The following VIPR2 variants were observed in gnomAD, a reference collection of about 807,000 sequenced individuals.
The protein encoded by VIPR2 is vasoactive intestinal polypeptide receptor 2.
In VIPR2, 48 loss-of-function variants were observed where a neutral mutation model predicts 58.0. The ratio of observed to expected loss-of-function variants is 0.83; its 90% CI spans 0.66 to 1.05. The LOEUF is 1.05. VIPR2 is among the 50% of genes least tolerant of loss of function. The pLI, the probability that VIPR2 is intolerant of heterozygous loss-of-function variation, is 0.00. For synonymous variants in VIPR2, 243 were observed against 235.2 expected (o/e 1.03, Z -0.30); for missense variants, 534 against 558.0 (o/e 0.96, Z 0.43).
chr7:159,079,666 A>G (rs1218343310), intron 4 of VIPR2, among the ~76,000 whole-genome samples: 4 of 152,200 alleles, frequency 2.6e-5, no homozygotes, highest in Non-Finnish European at 5.9e-5. Context: ...CAAAAAATCA[A>G]TGAATCCAGG....
At chr7:159,090,168 A>G (rs113828410) in intron 4 of VIPR2, among the ~76,000 whole-genome samples, 4,717 of 47,110 alleles carry the variant, frequency 0.1, 277 homozygotes, top group African/African-American at 0.27. Flanking sequence ...GCCACCTCTT[A>G]TGACCATCAC....
chr7:159,064,339 C>T (rs1471515025), intron 4 of VIPR2, among the ~76,000 whole-genome samples: 1 of 152,050 alleles, frequency 6.6e-6, no homozygotes, highest in Non-Finnish European at 1.5e-5. Flanking sequence ...AGAGGACCCC[C>T]GGCTGCCCCT....
intron 2 of VIPR2, among the ~76,000 whole-genome samples, chr7:159,110,168 ATTAC>A: frequency 6.6e-6 from 1 of 152,218 alleles, no homozygotes; most frequent in East Asian, 1.9e-4. Flanking sequence ...TAAGAGAATC[ATTAC>A]TTACTTCTTG....
At chr7:159,066,966 T>G (rs1856125718) in intron 4 of VIPR2, among the ~76,000 whole-genome samples, 1 of 152,244 alleles carries the variant, frequency 6.6e-6, no homozygotes, top group Admixed American at 6.5e-5. Flanking sequence ...GGAACTCTCC[T>G]GTGAGTGGGC....
At chr7:159,115,056 A>G (rs925488736) in intron 2 of VIPR2, among the ~76,000 whole-genome samples, 3 of 152,242 alleles carry the variant, frequency 2.0e-5, no homozygotes, top group African/African-American at 4.8e-5. Context: ...TGTACTTTCT[A>G]TATGGCAACC....
chr7:159,111,038 A>G (rs1795978868), intron 2 of VIPR2, among the ~76,000 whole-genome samples: 3 of 152,246 alleles, frequency 2.0e-5, no homozygotes, highest in African/African-American at 7.2e-5. Flanking sequence ...AAAATGTTCA[A>G]AACAAGTGAT....
intron 6 of VIPR2, 109 bp downstream of exon 6, chr7:159,042,926 T>A: frequency 2.0e-5 from 28 of 1,392,276 alleles, no homozygotes; most frequent in Middle Eastern, 1.9e-4. Flanking sequence ...GCCATGACCC[T>A]GTGCCCTGAC....
intron 2 of VIPR2, among the ~76,000 whole-genome samples, chr7:159,125,356 G>A (rs145489931): frequency 3.2e-4 from 49 of 152,306 alleles, no homozygotes; most frequent in African/African-American, 1.1e-3. Flanking sequence ...TTCCTGCAGT[G>A]TAAGATGTTC....
chr7:159,033,886 G>T lies in VIPR2; in HGVS notation c.971+327C>A, dbSNP rs58125966. Among the ~76,000 whole-genome samples, 1,344 of 152,304 alleles carry T rather than the reference G, an allele frequency of 8.8e-3. 17 individuals are homozygous for T. Among genetic ancestry groups the T allele is most frequent in the African/African-American group, 0.03 (1,238 of 41,556 alleles). On this transcript the variant is annotated intron_variant, in intron 10 of 12. Transcript: ENST00000262178. The stretch of plus-strand genomic sequence containing the variant: ...ACTTTCTTCTGGCCTTGAAATAAAA[G>T]AAATGGTGCCTGACTTCCACAGTTG...
In VIPR2 at chr7:159,060,010, C is replaced by T. The variant is rs149139231; in HGVS notation, c.358-1432G>A. On this transcript the variant is annotated intron_variant, in intron 4 of 12. Transcript: ENST00000262178. ...CTCTCCTCACCTTATCTAACCACCA[C>T]TATCAACTCATCCAACCCATCCTCA... Among the ~76,000 whole-genome samples the T allele has an allele frequency of 4.3e-3, 653 of 151,154 alleles. 4 individuals are homozygous for T. The highest frequency in any genetic ancestry group is 7.6e-3 in the Non-Finnish European group (515 of 67,734).
chr7:159,034,468 G>A, intron 9 of VIPR2, 113 bp downstream of exon 9: 1 of 1,317,982 alleles, frequency 7.6e-7, no homozygotes, highest in East Asian at 2.3e-5. Flanking sequence ...TTCCGGGAAG[G>A]CTGAGTGATG....
chr7:159,036,134 T>G, intron 7 of VIPR2, 122 bp from the exon 8 acceptor site: 301 of 1,127,900 alleles, frequency 2.7e-4, no homozygotes, highest in Non-Finnish European at 3.2e-4. Flanking sequence ...GTGCAATCTC[T>G]TGTTTAAAGT....
At chr7:159,135,282 A>C (rs543059907) in intron 2 of VIPR2, among the ~76,000 whole-genome samples, 2 of 151,272 alleles carry the variant, frequency 1.3e-5, no homozygotes, top group South Asian at 2.1e-4. Context: ...AATCCAAAAA[A>C]TTAGTTGGGC....
chr7:159,104,228 C>T (rs1044319311), intron 3 of VIPR2, among the ~76,000 whole-genome samples: 1 of 152,164 alleles, frequency 6.6e-6, no homozygotes, highest in Non-Finnish European at 1.5e-5. Flanking sequence ...GCCCAGCCTG[C>T]CCCAGTTCCT....
chr7:159,132,893 C>G (rs10275862), intron 2 of VIPR2, among the ~76,000 whole-genome samples: 960 of 23,130 alleles, frequency 0.042, 5 homozygotes, highest in East Asian at 0.079. Flanking sequence ...AGATTGATTT[C>G]AGACAGAATG....
intron 4 of VIPR2, among the ~76,000 whole-genome samples, chr7:159,067,911 C>T (rs965020741): frequency 6.6e-6 from 1 of 152,232 alleles, no homozygotes; most frequent in Non-Finnish European, 1.5e-5. Context: ...TGGTTTGTGG[C>T]TGGGCAGAGC....
At chr7:159,079,718 A>G (rs1210332076) in intron 4 of VIPR2, among the ~76,000 whole-genome samples, 1 of 152,240 alleles carries the variant, frequency 6.6e-6, no homozygotes, top group African/African-American at 2.4e-5. Context: ...ATAGACCGCT[A>G]GCAAGACTAA....
At chr7:159,061,652 CAAAA>C (rs35646553) in intron 4 of VIPR2, among the ~76,000 whole-genome samples, 1 of 143,234 alleles carries the variant, frequency 7.0e-6, no homozygotes, top group African/African-American at 2.6e-5. Context: ...GGACCTGTCG[CAAAA>C]AAAAAAGTTA....
chr7:159,107,579 C>A (rs1187156026), intron 3 of VIPR2, among the ~76,000 whole-genome samples: 1 of 152,202 alleles, frequency 6.6e-6, no homozygotes, highest in Non-Finnish European at 1.5e-5. Context: ...GACTTGCATC[C>A]CGGGTCCCAC....
Sources: allele counts gnomAD v4.1 joint callset (sites outside exome capture counted in the v4.1 genomes callset), GRCh38; gene constraint gnomAD v4.1.1; transcripts MANE v1.5; gene names NCBI Gene and HGNC (gene_info 2026-07-23, HGNC 2026-07-21).